ERMP1: variants seen among roughly 807,000 people sequenced by gnomAD.
The protein encoded by ERMP1 is endoplasmic reticulum metallopeptidase 1, also known as Felix-ina.
In ERMP1, 86 loss-of-function variants were observed where a neutral mutation model predicts 92.0. That is an observed-to-expected ratio of 0.93 (90% confidence interval 0.79 to 1.12). The LOEUF is 1.12. ERMP1 is among the 50% of genes most tolerant of loss of function. The pLI, the probability that ERMP1 is intolerant of heterozygous loss-of-function variation, is 0.00. For synonymous variants in ERMP1, 530 were observed against 412.8 expected (o/e 1.28, Z -3.44); for missense variants, 1,342 against 1,116.3 (o/e 1.20, Z -2.88).
At chr9:5,792,015 A>G (rs1828217859) in intron 13 of ERMP1, among the ~76,000 whole-genome samples, 1 of 152,216 alleles carries the variant, frequency 6.6e-6, no homozygotes, top group Non-Finnish European at 1.5e-5. Context: ...AGAAATCTTC[A>G]TATTTTGCCA....
intron 11 of ERMP1, among the ~76,000 whole-genome samples, chr9:5,800,510 C>G (rs1248441112): frequency 1.3e-5 from 2 of 151,938 alleles, no homozygotes; most frequent in African/African-American, 2.4e-5. Flanking sequence ...ACCCTGTCTC[C>G]ACTAAAAATA....
At chr9:5,826,298 C>G (rs914508272) in intron 2 of ERMP1, among the ~76,000 whole-genome samples, 1 of 152,190 alleles carries the variant, frequency 6.6e-6, no homozygotes, top group Non-Finnish European at 1.5e-5. Flanking sequence ...TGGGTTTACA[C>G]ATTTGAAGCA....
chr9:5,789,255 C>A (rs2131196254), intron 13 of ERMP1, among the ~76,000 whole-genome samples: 1 of 152,054 alleles, frequency 6.6e-6, no homozygotes, highest in South Asian at 2.1e-4. Flanking sequence ...AAAAAAAAAT[C>A]TTCAAGGTCT....
intron 13 of ERMP1, among the ~76,000 whole-genome samples, chr9:5,788,232 C>T (rs1828022426): frequency 6.6e-6 from 1 of 152,210 alleles, no homozygotes; most frequent in Non-Finnish European, 1.5e-5. Context: ...AGGGAGCAAT[C>T]TCACACACTT....
At chr9:5,841,949 A>T (rs1318811536) in intron 6 of ERMP1, among the ~76,000 whole-genome samples, 1 of 152,084 alleles carries the variant, frequency 6.6e-6, no homozygotes, top group East Asian at 1.9e-4. Flanking sequence ...ACAGCTCTTA[A>T]AGGTGGCGCA....
Position 5,787,476 on chromosome 9 carries a change from G to A in ERMP1, c.2504C>T (p.Ser835Phe), listed in dbSNP as rs757856558. ...SKGGDYFVFYSHGLQASAWQF... is the reference protein window; with the variant it reads ...SKGGDYFVFYFHGLQASAWQF... ...CCATGCAGAGGCCTGGAGTCCATGG[G>A]AGTAAAAGACAAAGTAGTCTCCTCC... Residue 835 changes from serine (S) to phenylalanine (F), a missense_variant, in exon 14 of 15, where the codon TCC becomes TTC. Physicochemically the swap from Ser to Phe is radical, Grantham distance 155. Transcript: ENST00000339450. The A allele has an allele frequency of 6.2e-7, 1 of 1,614,118 alleles. No individual in the cohort carries two copies.
At chr9:5,795,733 G>A (rs745622754) in intron 13 of ERMP1, among the ~76,000 whole-genome samples, 12 of 152,038 alleles carry the variant, frequency 7.9e-5, no homozygotes, top group Non-Finnish European at 1.2e-4. Flanking sequence ...AGCCGAGATC[G>A]TACCACTGCA....
chr9:5,866,395 A>G (rs1830663415), intron 5 of ERMP1, among the ~76,000 whole-genome samples: 1 of 152,206 alleles, frequency 6.6e-6, no homozygotes, highest in Admixed American at 6.5e-5. Context: ...GGATTGTTGG[A>G]TCCTACTGTT....
chr9:5,865,511 A>T (rs867072702), intron 5 of ERMP1, among the ~76,000 whole-genome samples: 28 of 142,270 alleles, frequency 2.0e-4, no homozygotes, highest in South Asian at 9.2e-4. Flanking sequence ...CCATCTCAAA[A>T]AATAATAATA....
rs1013405130 is a variant in ERMP1 at position 5,785,651 on chromosome 9, C to G, written c.*1493G>C. On this transcript the variant is annotated 3_prime_UTR_variant, in exon 15 of 15. Transcript: ENST00000339450. ...CACATCATACACATGAGACAAGCAGCTTCAAGGACGTTTTCTCCGGCAATG... is the reference window on the plus strand; with the variant it reads ...CACATCATACACATGAGACAAGCAGGTTCAAGGACGTTTTCTCCGGCAATG... The G allele has an allele frequency of 6.5e-6, 1 of 152,804 alleles. No individual in the cohort carries two copies. Among genetic ancestry groups the G allele is most frequent in the Non-Finnish European group, 1.5e-5 (1 of 68,038 alleles). 9.5% of individuals were successfully genotyped at this position (152,804 alleles called of 1,614,324 possible).
intron 4 of ERMP1, among the ~76,000 whole-genome samples, chr9:5,820,583 C>T (rs1829494558): frequency 6.6e-6 from 1 of 152,150 alleles, no homozygotes; most frequent in Admixed American, 6.5e-5. Flanking sequence ...CTTTCTGGCC[C>T]TTCTTAAAAA....
At position 5,832,719 on chromosome 9, in the gene ERMP1, G is replaced by A. The variant is rs13302671; in HGVS notation, c.309C>T (p.His103=). 1.6e-5 allele frequency: 24 copies of A among 1,489,278 alleles called. No homozygotes were observed. Among genetic ancestry groups the A allele is most frequent in the East Asian group, 2.9e-5 (1 of 34,746 alleles). The allele number at this position is 1,489,278 out of a possible 1,614,324, so 92.3% of individuals were successfully genotyped here. The change falls in exon 1 of 15, where the codon CAC becomes CAT. Residue 103 remains histidine (H), a synonymous_variant. Coordinates refer to ENST00000339450, the MANE Select transcript of ERMP1 (RefSeq NM_024896.3). The part of the protein sequence containing the change: ...QQLVLRGAAG[H]RGEFDALQAR... ...CTTGGAGCGCGTCGAACTCCCCGCG[G>A]TGTCCAGCGGCCCCGCGTAGCACGA...
At chr9:5,824,974 T>C in intron 3 of ERMP1, 118 bp downstream of exon 3, 1 of 983,698 alleles carries the variant, frequency 1.0e-6, no homozygotes, top group Non-Finnish European at 1.5e-6. Context: ...CTGCATATTA[T>C]TTTATACTAC....
intron 2 of ERMP1, among the ~76,000 whole-genome samples, chr9:5,826,946 A>C (rs1563770317): frequency 6.6e-6 from 1 of 152,214 alleles, no homozygotes; most frequent in Non-Finnish European, 1.5e-5. Flanking sequence ...AAATATCTTT[A>C]AGAAAGGGAA....
chr9:5,801,130 A>C (rs755514355), intron 11 of ERMP1, 46 bp downstream of exon 11: 3 of 1,569,028 alleles, frequency 1.9e-6, no homozygotes, highest in African/African-American at 1.4e-5. Context: ...CAAAACACAC[A>C]GGGCTTCCTT....
chr9:5,862,270 G>T (rs1368081365), intron 5 of ERMP1, among the ~76,000 whole-genome samples: 4 of 150,926 alleles, frequency 2.7e-5, no homozygotes, highest in African/African-American at 9.8e-5. Context: ...GGCCTCAGGT[G>T]ATCCTCCTGC....
In ERMP1 at chr9:5,822,887, G is replaced by A. The variant is rs115079573; in HGVS notation, c.874+1009C>T. On this transcript the variant is annotated intron_variant, in intron 4 of 14. Transcript: ENST00000339450. ...AGACCTTGGCGATGAGGCTTGAGCA[G>A]TAGGATATAAATAACTCCCACATGC... Among the ~76,000 whole-genome samples the A allele has an allele frequency of 1.4e-4, 21 of 152,346 alleles. No individual in the cohort carries two copies. The East Asian group carries it at 3.9e-3, about 28-fold the overall frequency.
At chr9:5,816,458 C>T (rs546926543) in intron 4 of ERMP1, among the ~76,000 whole-genome samples, 98 of 152,254 alleles carry the variant, frequency 6.4e-4, no homozygotes, top group African/African-American at 2.2e-3. Context: ...TCCTGTTGAT[C>T]AACTTGGTTG....
intron 5 of ERMP1, among the ~76,000 whole-genome samples, chr9:5,862,980 A>G (rs1830548577): frequency 6.6e-6 from 1 of 152,170 alleles, no homozygotes; most frequent in African/African-American, 2.4e-5. Flanking sequence ...AGACTAAAAC[A>G]TCTGTTTGTG....
Sources: gnomAD v4.1 joint callset for allele counts (sites outside exome capture counted in the v4.1 genomes callset) on GRCh38, gnomAD v4.1.1 for gene constraint, MANE v1.5 for transcripts, NCBI Gene and HGNC (gene_info 2026-07-23, HGNC 2026-07-21) for gene names.